The following SP110 variants were observed in gnomAD, a reference collection of about 807,000 sequenced individuals.
The protein encoded by SP110 is interferon-induced protein 41, 30kD.
Under a neutral mutation model 92.7 loss-of-function variants are expected in SP110, and 62 were observed. The observed-to-expected ratio is 0.67, with a 90% CI of 0.55 to 0.83. The LOEUF (loss-of-function observed/expected upper bound fraction) is 0.83, where lower values mean the gene tolerates loss of function less well. Among genes scored for constraint, SP110 ranks in the 40% least tolerant of loss-of-function variants. The pLI is 0.00. For synonymous variants in SP110, 273 were observed against 305.3 expected, an observed-to-expected ratio of 0.89 and a Z score of 1.10; for missense variants, 793 against 863.9, an observed-to-expected ratio of 0.92 and a Z score of 1.03.
Position 230,195,787 on chromosome 2 carries a change from G to A in SP110, c.1129+5098C>T, listed in dbSNP as rs574553897. ...AAAAAATTAAAAATATACAGAAGGAGCAGGACTGAAAAAAACTGTTCACAG... is the reference window on the plus strand; with the variant it reads ...AAAAAATTAAAAATATACAGAAGGAACAGGACTGAAAAAAACTGTTCACAG... On this transcript the variant is annotated intron_variant, in intron 10 of 18. Transcript: ENST00000258381. Among the ~76,000 whole-genome samples, 6 of 151,996 alleles carry A rather than the reference G, an allele frequency of 3.9e-5. 1 individual carries two copies. The South Asian group carries it at 8.3e-4, about 21-fold the overall frequency.
intron 10 of SP110, among the ~76,000 whole-genome samples, chr2:230,189,850 A>C (rs1310952857): frequency 2.0e-5 from 3 of 152,212 alleles, no homozygotes; most frequent in Non-Finnish European, 2.9e-5. Flanking sequence ...AGCTTCATCC[A>C]TGTACCTGCA....
intron 10 of SP110, among the ~76,000 whole-genome samples, chr2:230,189,094 CT>C (rs57958949): frequency 0.88 from 133,150 of 151,854 alleles, 58,415 homozygotes; most frequent in East Asian, 1. Flanking sequence ...AAACTTCTCT[CT>C]TTTTTTTTGG....
At chr2:230,174,058 TCAGGA>T (rs1197519093) in intron 14 of SP110, 1 of 152,160 alleles carries the variant, frequency 6.6e-6, no homozygotes, top group African/African-American at 2.4e-5. Flanking sequence ...TTTGACACAC[TCAGGA>T]CATTACTCAC....
rs768410119 is a variant in SP110 at position 230,216,908 on chromosome 2, G to T, written c.20C>A (p.Ala7Asp). 1.9e-6 allele frequency: 3 copies of T among 1,613,734 alleles called. No individual in the cohort carries two copies. The highest frequency in any genetic ancestry group is 2.5e-6 in the Non-Finnish European group (3 of 1,179,900). ...GTGCTGAAAAAGAGCCTCTTCCATG[G>T]CTCTTGTCATGGTGAACATCCTATG... Reference protein sequence around the residue: MFTMTRAMEEALFQHFM... With the variant: MFTMTRDMEEALFQHFM... The change falls in exon 2 of 19, where the codon GCC (alanine) becomes GAC (aspartate). Residue 7 changes from alanine to aspartate, a missense_variant. Transcript: ENST00000258381.
At chr2:230,223,183 C>T (rs1170949176), upstream of SP110, among the ~76,000 whole-genome samples, 3 of 151,924 alleles carry the variant, frequency 2.0e-5, no homozygotes, top group African/African-American at 7.3e-5. Context: ...ACTACAGGCA[C>T]GCATCACCAT....
intron 17 of SP110, 174 bp downstream of exon 17, chr2:230,171,522 A>G: frequency 1.5e-6 from 1 of 666,304 alleles, no homozygotes; most frequent in East Asian, 2.7e-5. Context: ...AGTTTGAACC[A>G]GGTAGTCCCT....
Position 230,168,981 on chromosome 2 carries a change from G to T in SP110, c.*143C>A. ...TAAAAAGAAAGAATAAAGATGGAGG[G>T]TGTGATAATCCTATGAAGTGTCTGG... On this transcript the variant is annotated 3_prime_UTR_variant, in exon 19 of 19. Coordinates refer to ENST00000258381, the MANE Select transcript of SP110 (RefSeq NM_080424.4). 1.4e-6 allele frequency: 1 copy of T among 719,288 alleles called. No homozygotes were observed. Among genetic ancestry groups the T allele is most frequent in the Non-Finnish European group, 2.5e-6 (1 of 392,500 alleles). 44.6% of individuals were successfully genotyped at this position (719,288 alleles called of 1,614,324 possible). A position where few individuals can be genotyped will look rare whatever the true frequency, so the allele number is the denominator to read the frequency against.
chr2:230,217,692 G>C (rs891586708), intron 1 of SP110, among the ~76,000 whole-genome samples: 2 of 152,172 alleles, frequency 1.3e-5, no homozygotes, highest in African/African-American at 4.8e-5. Flanking sequence ...ACTAGAGAGT[G>C]GAAGAGCTGG....
intron 14 of SP110, chr2:230,176,442 C>G: frequency 7.1e-7 from 1 of 1,414,482 alleles, no homozygotes; most frequent in Non-Finnish European, 9.2e-7. Context: ...ATCCAAATAT[C>G]CAGATCTTTT....
Position 230,170,630 on chromosome 2 carries a change from T to C in SP110, c.2019A>G (p.Thr673=). 1 of 1,614,182 alleles carries C rather than the reference T, an allele frequency of 6.2e-7. No homozygotes were observed. ...DMRLMFRNHK[T]FYKASDFGQV... is the part of the protein sequence containing the mutation. ...AGGAAATGCTCTTTACCTTGTAAAA[T>C]GTTTTATGGTTGCGAAACATCAGGC... is the stretch of plus-strand genomic sequence containing the variant. The change falls in exon 18 of 19, where the codon ACA becomes ACG. Residue 673 remains threonine (T), a synonymous_variant. Coordinates refer to ENST00000258381, the MANE Select transcript of SP110 (RefSeq NM_080424.4).
At position 230,200,722 on chromosome 2, in the gene SP110, A is replaced by G; in HGVS notation, c.1129+163T>C. On this transcript the variant is annotated intron_variant, in intron 10 of 18. Transcript: ENST00000258381. The stretch of plus-strand genomic sequence containing the variant: ...AATGGACATATATTTGTAGTAGTAA[A>G]TATCATGGGAAGGGTCTTGATTAAG... 36 of 661,896 alleles carry G rather than the reference A, an allele frequency of 5.4e-5. No homozygotes were observed. The South Asian group carries it at 6.2e-4, about 11-fold the overall frequency. The allele number at this position is 661,896 out of a possible 1,614,324, so 41.0% of individuals were successfully genotyped here.
chr2:230,171,655 C>T lies in SP110; in HGVS notation c.1887+41G>A, dbSNP rs916981370. On this transcript the variant is annotated intron_variant, in intron 17 of 18. Coordinates refer to ENST00000258381, the MANE Select transcript of SP110 (RefSeq NM_080424.4). ...TGCCAGATCAGCCCCCAAATTTCTCCAAATGCATTTTATGCAAGAGAACCG... is the reference window on the plus strand; with the variant it reads ...TGCCAGATCAGCCCCCAAATTTCTCTAAATGCATTTTATGCAAGAGAACCG... 5.3e-6 allele frequency: 8 copies of T among 1,503,002 alleles called. No homozygotes were observed. The South Asian group carries it at 6.7e-5, about 13-fold the overall frequency. 93.1% of individuals were successfully genotyped at this position (1,503,002 alleles called of 1,614,324 possible). A position where few individuals can be genotyped will look rare whatever the true frequency, so the allele number is the denominator to read the frequency against.
upstream of SP110, among the ~76,000 whole-genome samples, chr2:230,224,938 G>A (rs1481825547): frequency 6.6e-6 from 1 of 152,186 alleles, no homozygotes; most frequent in African/African-American, 2.4e-5. Context: ...ACTTTATGCT[G>A]ATATAGTGTG....
intron 18 of SP110, among the ~76,000 whole-genome samples, chr2:230,169,464 T>C (rs946190529): frequency 2.0e-5 from 3 of 152,024 alleles, no homozygotes; most frequent in African/African-American, 7.2e-5. Context: ...CATGCCACTA[T>C]GCCCAAAGTT....
chr2:230,195,254 C>T (rs2042816597), intron 10 of SP110, among the ~76,000 whole-genome samples: 1 of 152,068 alleles, frequency 6.6e-6, no homozygotes, highest in Admixed American at 6.6e-5. Flanking sequence ...AAAAAGTACT[C>T]CATTTTAGCT....
chr2:230,180,825 T>TCC (rs1272361416), intron 12 of SP110, among the ~76,000 whole-genome samples: 1 of 152,210 alleles, frequency 6.6e-6, no homozygotes, highest in Non-Finnish European at 1.5e-5. Flanking sequence ...GGCTCCTGCC[T>TCC]CCACCAGTGT....
chr2:230,182,387 A>G (rs1339733895), intron 12 of SP110, among the ~76,000 whole-genome samples: 1 of 152,234 alleles, frequency 6.6e-6, no homozygotes, highest in East Asian at 1.9e-4. Context: ...TGATAGGTGC[A>G]GCAAACCACC....
chr2:230,194,193 G>A (rs774784885), intron 10 of SP110, among the ~76,000 whole-genome samples: 3 of 152,130 alleles, frequency 2.0e-5, no homozygotes, highest in Non-Finnish European at 2.9e-5. Flanking sequence ...TTCATGTTTG[G>A]GAGCTGGGAC....
At chr2:230,193,813 G>A (rs958739737) in intron 10 of SP110, among the ~76,000 whole-genome samples, 1 of 152,210 alleles carries the variant, frequency 6.6e-6, no homozygotes, top group African/African-American at 2.4e-5. Context: ...CTAGAATTGA[G>A]AAGCCACTGC....
Sources: gnomAD v4.1 joint callset for allele counts (sites outside exome capture counted in the v4.1 genomes callset) on GRCh38, gnomAD v4.1.1 for gene constraint, MANE v1.5 for transcripts, NCBI Gene and HGNC (gene_info 2026-07-23, HGNC 2026-07-21) for gene names.